The following CCDC171 variants were observed in gnomAD, a reference collection of about 807,000 sequenced individuals.
CCDC171 encodes coiled-coil domain-containing protein 171.
CCDC171 carries 177 observed loss-of-function variants against 168.2 expected under a neutral mutation model. That is an observed-to-expected ratio of 1.05 (90% confidence interval 0.93 to 1.19). The LOEUF is 1.19. Among genes scored for constraint, CCDC171 ranks in the 50% most tolerant of loss-of-function variants. The pLI is 0.00. For missense variants in CCDC171, 1,991 were observed against 1,539.0 expected (o/e 1.29, Z -4.91); for synonymous variants, 687 against 540.8 (o/e 1.27, Z -3.75).
chr9:15,747,500 G>A (rs374599644), intron 18 of CCDC171, among the ~76,000 whole-genome samples: 17 of 152,296 alleles, frequency 1.1e-4, no homozygotes, highest in African/African-American at 3.8e-4. Flanking sequence ...TTACAGGAGA[G>A]CTCTGGCTGG....
chr9:15,748,540 A>C (rs781701685), intron 18 of CCDC171, among the ~76,000 whole-genome samples: 10 of 152,204 alleles, frequency 6.6e-5, no homozygotes, highest in Non-Finnish European at 1.5e-4. Context: ...CCAAAGTTGA[A>C]ATGAAGGAAA....
At chr9:16,062,102 A>T (rs919668384), downstream of CCDC171, among the ~76,000 whole-genome samples, 7 of 152,328 alleles carry the variant, frequency 4.6e-5, no homozygotes, top group Non-Finnish European at 8.8e-5. Flanking sequence ...CATCCCAGAG[A>T]GAACCTGTGT....
intron 7 of CCDC171, among the ~76,000 whole-genome samples, chr9:15,634,991 C>A (rs1038405931): frequency 4.6e-5 from 7 of 152,070 alleles, no homozygotes; most frequent in Non-Finnish European, 8.8e-5. Context: ...TTTTTTATGC[C>A]TGAATGATAT....
chr9:15,610,444 TAAAAAAAAAAAA>T (rs754593075), intron 6 of CCDC171, among the ~76,000 whole-genome samples: 633 of 12,658 alleles, frequency 0.05, 6 homozygotes, highest in Non-Finnish European at 0.071. Flanking sequence ...CCATCTCAAC[TAAAAAAAAAAAA>T]AAAAAAAAAA....
At chr9:15,994,816 C>G (rs758703015) in intron 3 of CCDC171, among the ~76,000 whole-genome samples, 3 of 152,160 alleles carry the variant, frequency 2.0e-5, no homozygotes, top group Admixed American at 6.5e-5. Context: ...CAACTGGAGC[C>G]TCATTATCTA....
At chr9:16,103,078 C>A in the CCDC171 span, among the ~76,000 whole-genome samples, 21 of 152,354 alleles carry the variant, frequency 1.4e-4, no homozygotes, top group Middle Eastern at 0.014. Flanking sequence ...GACCTGCAGG[C>A]CCCCCTCCCA....
chr9:15,872,969 G>A (rs1202138758), intron 23 of CCDC171, among the ~76,000 whole-genome samples: 3 of 152,042 alleles, frequency 2.0e-5, no homozygotes, highest in African/African-American at 7.2e-5. Context: ...CCTGAGTGAA[G>A]ACTCTGGAGA....
chr9:15,623,473 G>GCTCACACACA, intron 7 of CCDC171, 60 bp downstream of exon 7: 3 of 464,166 alleles, frequency 6.5e-6, no homozygotes, highest in Non-Finnish European at 7.3e-6. Context: ...ATGCGCGCGC[G>GCTCACACACA]CGCACACACA....
At chr9:16,039,077 A>G (rs1293596478), upstream of CCDC171, among the ~76,000 whole-genome samples, 1 of 152,226 alleles carries the variant, frequency 6.6e-6, no homozygotes, top group Non-Finnish European at 1.5e-5. Flanking sequence ...AGTAAAGCTG[A>G]CTTTAAAAAT....
At chr9:16,045,161 T>TG (rs901997947) in intron 1 of CCDC171, among the ~76,000 whole-genome samples, 11 of 152,316 alleles carry the variant, frequency 7.2e-5, no homozygotes, top group African/African-American at 2.6e-4. Flanking sequence ...AATTCTTGTT[T>TG]GGGGGTCCCC....
chr9:15,887,770 A>C (rs1172465963), intron 24 of CCDC171: 5 of 151,696 alleles, frequency 3.3e-5, no homozygotes, highest in Non-Finnish European at 7.4e-5. Context: ...TTTCTTAACA[A>C]AGTACCCTTT....
rs762144034 is a variant in CCDC171, at chr9:15,564,086, A to T, written c.-3A>T. ...GGGTATTTTGAAAGAGTTGGAAAACATCATGAATTTGAATACTTCAAGTAA... is the reference window on the plus strand; with the variant it reads ...GGGTATTTTGAAAGAGTTGGAAAACTTCATGAATTTGAATACTTCAAGTAA... On this transcript the variant is annotated 5_prime_UTR_variant, in exon 2 of 26. Coordinates refer to ENST00000380701, the MANE Select transcript of CCDC171 (RefSeq NM_173550.4). 1.2e-6 allele frequency: 2 copies of T among 1,603,956 alleles called. No homozygotes were observed. The highest frequency in any genetic ancestry group is 1.7e-6 in the Non-Finnish European group (2 of 1,173,692).
chr9:16,016,536 A>G (rs373572397), intron 3 of CCDC171, among the ~76,000 whole-genome samples: 10 of 151,954 alleles, frequency 6.6e-5, no homozygotes, highest in East Asian at 3.9e-4. Flanking sequence ...GAAGATGTCA[A>G]CTCCCGAAAT....
At chr9:15,984,596 A>G (rs540085799) in intron 3 of CCDC171, among the ~76,000 whole-genome samples, 24 of 152,264 alleles carry the variant, frequency 1.6e-4, no homozygotes, top group African/African-American at 2.6e-4. Flanking sequence ...TCATGGGGTT[A>G]TTTTAAATAC....
chr9:15,748,392 A>G (rs1185270840), intron 18 of CCDC171, among the ~76,000 whole-genome samples: 1 of 152,194 alleles, frequency 6.6e-6, no homozygotes, highest in Non-Finnish European at 1.5e-5. Flanking sequence ...AAGTTAGAAA[A>G]CGCTTTTCAG....
intron 24 of CCDC171, among the ~76,000 whole-genome samples, chr9:15,909,087 G>A (rs890938250): frequency 1.3e-5 from 2 of 152,132 alleles, no homozygotes; most frequent in South Asian, 2.1e-4. Flanking sequence ...AGTTATATAA[G>A]TCTTTAAAAA....
chr9:15,787,531 T>C (rs1255541219), intron 21 of CCDC171, among the ~76,000 whole-genome samples: 2 of 152,144 alleles, frequency 1.3e-5, no homozygotes, highest in Non-Finnish European at 2.9e-5. Flanking sequence ...CTTCCTTTTT[T>C]TCTCTTCTGT....
intron 1 of CCDC171, among the ~76,000 whole-genome samples, chr9:15,563,566 G>A (rs1316753761): frequency 6.6e-6 from 1 of 152,206 alleles, no homozygotes; most frequent in Non-Finnish European, 1.5e-5. Flanking sequence ...TGTAGTAGGT[G>A]TTCAGTAGAT....
intron 7 of CCDC171, among the ~76,000 whole-genome samples, chr9:15,632,675 A>G (rs568002417): frequency 6.6e-6 from 1 of 152,304 alleles, no homozygotes; most frequent in African/African-American, 2.4e-5. Context: ...AAACTACTTT[A>G]AAGTTCATAT....
Sources: allele counts gnomAD v4.1 joint callset (sites outside exome capture counted in the v4.1 genomes callset), GRCh38; gene constraint gnomAD v4.1.1; transcripts MANE v1.5; gene names NCBI Gene and HGNC (gene_info 2026-07-23, HGNC 2026-07-21).